The following CD1B variants were observed in gnomAD, a reference collection of about 807,000 sequenced individuals.
CD1B encodes CD1b molecule.
Under a neutral mutation model 39.8 loss-of-function variants are expected in CD1B, and 43 were observed. The observed-to-expected ratio is 1.08, with a 90% CI of 0.85 to 1.39. The LOEUF (loss-of-function observed/expected upper bound fraction) is 1.39. Ranked by LOEUF, CD1B falls within the 40% of genes most tolerant of loss-of-function variation. The pLI, the probability that CD1B is intolerant of heterozygous loss-of-function variation, is 0.00. For synonymous variants in CD1B, 192 were observed against 152.5 expected, an observed-to-expected ratio of 1.26 and a Z score of -1.91; for missense variants, 495 against 403.8, an observed-to-expected ratio of 1.23 and a Z score of -1.94.
At position 158,331,502 on chromosome 1, in the gene CD1B, T is replaced by G; in HGVS notation, c.-79A>C. On this transcript the variant is annotated 5_prime_UTR_variant, in exon 1 of 6. Coordinates refer to ENST00000368168, the MANE Select transcript of CD1B (RefSeq NM_001764.3). ...TCAGCAAAGCTTTTCCTCAGTACCC[T>G]GTAGTGACTTCTTCTCTCTTCCAAC... 3 of 1,134,198 alleles carry G rather than the reference T, an allele frequency of 2.6e-6. No individual in the cohort carries two copies. Among genetic ancestry groups the G allele is most frequent in the Non-Finnish European group, 4.0e-6 (3 of 757,400 alleles). 70.3% of individuals were successfully genotyped at this position (1,134,198 alleles called of 1,614,324 possible).
Position 158,328,972 on chromosome 1 carries a change from A to T in CD1B, c.929T>A (p.Val310Glu). The T allele has an allele frequency of 6.2e-7, 1 of 1,614,018 alleles. No homozygotes were observed. Among genetic ancestry groups the T allele is most frequent in the Non-Finnish European group, 8.5e-7 (1 of 1,179,950 alleles). Residue 310 changes from valine to glutamate, a missense_variant, in exon 5 of 6, where the codon GTG becomes GAG. Physicochemically the swap from Val to Glu is moderately radical, Grantham distance 121. Coordinates refer to ENST00000368168, the MANE Select transcript of CD1B (RefSeq NM_001764.3). ...GCATAGCAAAAGGAGCAAGGAAGGC[A>T]CTATTATTGCCAAAACAATTGAGCC... is the stretch of plus-strand genomic sequence containing the variant. ...SIGSIVLAII[V>E]PSLLLLLCLA...
chr1:158,301,012 C>G, the CD1B span, among the ~76,000 whole-genome samples: 1 of 152,098 alleles, frequency 6.6e-6, no homozygotes, highest in South Asian at 2.1e-4. Context: ...CCCACCTCAG[C>G]CTCCCAAATT....
the CD1B span, among the ~76,000 whole-genome samples, chr1:158,296,331 G>C: frequency 2.0e-5 from 3 of 152,158 alleles, no homozygotes; most frequent in Non-Finnish European, 4.4e-5. Context: ...CAGGAGTGCT[G>C]AGCTGAGCCA....
At chr1:158,327,192 C>T (rs1652386834), downstream of CD1B, among the ~76,000 whole-genome samples, 1 of 152,162 alleles carries the variant, frequency 6.6e-6, no homozygotes, top group Non-Finnish European at 1.5e-5. Context: ...GTGCATTTTA[C>T]AAACCTCTTG....
the CD1B span, among the ~76,000 whole-genome samples, chr1:158,318,803 G>T: frequency 6.6e-6 from 1 of 152,040 alleles, no homozygotes; most frequent in African/African-American, 2.4e-5. Context: ...AGCTTGTACC[G>T]GTTGTTCCTT....
the CD1B span, among the ~76,000 whole-genome samples, chr1:158,322,417 G>GTTT: frequency 5.2e-5 from 7 of 135,738 alleles, no homozygotes; most frequent in African/African-American, 1.9e-4. Flanking sequence ...TTTTTTTTCT[G>GTTT]TTTTTTTTTT....
chr1:158,329,024 G>A lies in CD1B; in HGVS notation c.887-10C>T, dbSNP rs1210908071. The A allele has an allele frequency of 1.9e-6, 3 of 1,603,724 alleles. No individual in the cohort carries two copies. The highest frequency in any genetic ancestry group is 2.2e-5 in the East Asian group (1 of 44,818). ...ATGGAGGTGGGGTTTCCTGGCAATTGAGAGAGGACAAAAGGATGTCACTTC... is the reference window on the plus strand; with the variant it reads ...ATGGAGGTGGGGTTTCCTGGCAATTAAGAGAGGACAAAAGGATGTCACTTC... On this transcript the variant is annotated splice_polypyrimidine_tract_variant and intron_variant, in intron 4 of 5. Coordinates refer to ENST00000368168, the MANE Select transcript of CD1B (RefSeq NM_001764.3).
chr1:158,329,086 C>T, intron 4 of CD1B, 72 bp from the exon 5 acceptor site: 3 of 1,245,304 alleles, frequency 2.4e-6, no homozygotes, highest in Non-Finnish European at 3.4e-6. Flanking sequence ...CTTCCTTTGC[C>T]CACCTACTTC....
the CD1B span, among the ~76,000 whole-genome samples, chr1:158,306,628 T>A: frequency 0.017 from 2,658 of 152,254 alleles, 77 homozygotes; most frequent in African/African-American, 0.06. Flanking sequence ...AGAATAGACA[T>A]TCTTCTCAGC....
At chr1:158,293,205 T>A in the CD1B span, 1 of 1,603,078 alleles carries the variant, frequency 6.2e-7, no homozygotes, top group Non-Finnish European at 8.5e-7. Flanking sequence ...CTTTCCAATA[T>A]GTGCAGGACA....
chr1:158,318,257 GT>G, the CD1B span, among the ~76,000 whole-genome samples: 2 of 152,290 alleles, frequency 1.3e-5, no homozygotes, highest in African/African-American at 4.8e-5. Flanking sequence ...AATCTTGACA[GT>G]GGGGTGTTAA....
At chr1:158,318,510 T>A in the CD1B span, among the ~76,000 whole-genome samples, 4 of 152,232 alleles carry the variant, frequency 2.6e-5, no homozygotes, top group Non-Finnish European at 4.4e-5. Flanking sequence ...GTTTTCCATT[T>A]GCTTGGTAGA....
the CD1B span, among the ~76,000 whole-genome samples, chr1:158,305,759 A>G: frequency 4.6e-5 from 7 of 152,262 alleles, no homozygotes; most frequent in African/African-American, 1.2e-4. Context: ...AAGCCAGAAG[A>G]GAGTGGGGGC....
chr1:158,299,338 A>G, the CD1B span, among the ~76,000 whole-genome samples: 1 of 152,056 alleles, frequency 6.6e-6, no homozygotes, highest in Non-Finnish European at 1.5e-5. Context: ...CATATGTTGA[A>G]CCAGCCTTGC....
At chr1:158,296,161 C>A in the CD1B span, among the ~76,000 whole-genome samples, 1 of 151,952 alleles carries the variant, frequency 6.6e-6, no homozygotes, top group African/African-American at 2.4e-5. Flanking sequence ...TTATGAAATG[C>A]TTTTCTGGGA....
the CD1B span, among the ~76,000 whole-genome samples, chr1:158,318,866 C>A: frequency 6.6e-6 from 1 of 152,168 alleles, no homozygotes; most frequent in African/African-American, 2.4e-5. Context: ...CTGTTGGTGA[C>A]AAAATCTTTC....
chr1:158,318,855 C>T, the CD1B span, among the ~76,000 whole-genome samples: 4 of 152,128 alleles, frequency 2.6e-5, no homozygotes, highest in Non-Finnish European at 5.9e-5. Flanking sequence ...TTAGGGCAGG[C>T]CTGTTGGTGA....
chr1:158,324,209 GT>G (rs1034422134), downstream of CD1B, among the ~76,000 whole-genome samples: 33 of 152,250 alleles, frequency 2.2e-4, no homozygotes, highest in African/African-American at 7.9e-4. Flanking sequence ...CAAGCCTTTT[GT>G]TAACAAGGAT....
intron 1 of CD1B, 57 bp downstream of exon 1, chr1:158,331,306 G>T (rs1344359853): frequency 1.8e-5 from 27 of 1,512,512 alleles, no homozygotes; most frequent in Non-Finnish European, 2.2e-5. Context: ...AGCCCTGCTT[G>T]CTTTTTAAAA....
Sources: gnomAD v4.1 joint callset for allele counts (sites outside exome capture counted in the v4.1 genomes callset) on GRCh38, gnomAD v4.1.1 for gene constraint, MANE v1.5 for transcripts, NCBI Gene and HGNC (gene_info 2026-07-23, HGNC 2026-07-21) for gene names.